Variants in CYS1 observed in about 807,000 individuals in gnomAD.
CYS1 encodes cystin 1, also known as cystin-1.
In CYS1, 5 loss-of-function variants were observed where a neutral mutation model predicts 9.6. That is an observed-to-expected ratio of 0.52 (90% CI 0.27 to 1.10). The LOEUF is 1.10. Among genes scored for constraint, CYS1 ranks in the 50% least tolerant of loss-of-function variants. The pLI is 0.11. For synonymous variants in CYS1, 88 were observed against 95.7 expected, an observed-to-expected ratio of 0.92 and a Z score of 0.47; for missense variants, 221 against 207.9, an observed-to-expected ratio of 1.06 and a Z score of -0.39.
In CYS1 at chr2:10,065,967, A is replaced by G. The variant is rs1374106876; in HGVS notation, c.319-11T>C. ...CTGCTCTGCGCACACCTTGAGAAAG[A>G]TGAAATGAAGAGACATTCAAAGATT... On this transcript the variant is annotated splice_polypyrimidine_tract_variant and intron_variant, in intron 1 of 2. Transcript: ENST00000381813. 1 of 1,614,182 alleles carries G rather than the reference A, an allele frequency of 6.2e-7. No homozygotes were observed.
Position 10,080,257 on chromosome 2 carries a change from GC to G in CYS1, c.-35del. On this transcript the variant is annotated 5_prime_UTR_variant, in exon 1 of 3. Transcript: ENST00000381813. The surrounding 1 kb of genome is among the most constrained non-coding windows in gnomAD (Gnocchi z 6.4). Reference sequence around the variant, plus strand: ...CGCCGCCTCCCGGACCGCCGAGGGGGCCCCCATGAGGGGGCGCGGCCGGGGG... The same window carrying G: ...CGCCGCCTCCCGGACCGCCGAGGGGGCCCCATGAGGGGGCGCGGCCGGGGG... 9.7e-7 allele frequency: 1 copy of G among 1,031,744 alleles called. No individual in the cohort carries two copies. The highest frequency in any genetic ancestry group is 1.2e-6 in the Non-Finnish European group (1 of 862,664). 63.9% of individuals were successfully genotyped at this position (1,031,744 alleles called of 1,614,324 possible).
intron 2 of CYS1, among the ~76,000 whole-genome samples, chr2:10,059,826 A>C (rs948018063): frequency 3.3e-5 from 5 of 152,262 alleles, no homozygotes; most frequent in Non-Finnish European, 7.3e-5. Context: ...GGATCCCGCC[A>C]GTCCCTCAGC....
chr2:10,078,998 T>C (rs1209868859), intron 1 of CYS1, among the ~76,000 whole-genome samples: 1 of 152,238 alleles, frequency 6.6e-6, no homozygotes, highest in Non-Finnish European at 1.5e-5. Flanking sequence ...GTCCAGGCAG[T>C]GTTATATAAC....
At chr2:10,065,527 G>A (rs1392608981) in intron 2 of CYS1, among the ~76,000 whole-genome samples, 10 of 152,222 alleles carry the variant, frequency 6.6e-5, no homozygotes, top group African/African-American at 2.2e-4. Context: ...AGGTGGGCCC[G>A]CTGCTGGCCC....
At chr2:10,071,375 G>C (rs1320527613) in intron 1 of CYS1, among the ~76,000 whole-genome samples, 2 of 152,186 alleles carry the variant, frequency 1.3e-5, no homozygotes, top group African/African-American at 4.8e-5. Flanking sequence ...CGGGACCCTT[G>C]CGGCAGGGGG....
chr2:10,067,289 A>T (rs976845467), intron 1 of CYS1, among the ~76,000 whole-genome samples: 20 of 152,088 alleles, frequency 1.3e-4, no homozygotes, highest in African/African-American at 4.8e-4. Context: ...AAGTGCTGGG[A>T]TTACAGGCGT....
rs1471820143 is a variant in CYS1, at chr2:10,070,775, C to T, written c.319-4819G>A. Reference sequence around the variant, plus strand: ...GGTCCCATCTCAGCCTCCTGAGTAACTGAAACTACAGGCACATGCCACCAC... The same window carrying T: ...GGTCCCATCTCAGCCTCCTGAGTAATTGAAACTACAGGCACATGCCACCAC... On this transcript the variant is annotated intron_variant, in intron 1 of 2. Coordinates refer to ENST00000381813, the MANE Select transcript of CYS1 (RefSeq NM_001037160.3). Among the ~76,000 whole-genome samples, 4 of 152,106 alleles carry T rather than the reference C, an allele frequency of 2.6e-5. No homozygotes were observed. The East Asian group carries it at 7.7e-4, about 29-fold the overall frequency.
intron 2 of CYS1, among the ~76,000 whole-genome samples, chr2:10,060,142 C>T (rs926642202): frequency 2.6e-5 from 4 of 152,256 alleles, no homozygotes; most frequent in African/African-American, 9.6e-5. Flanking sequence ...CTGCAGCTGA[C>T]AGGGTCCAGG....
chr2:10,066,552 C>G (rs542122075), intron 1 of CYS1, among the ~76,000 whole-genome samples: 206 of 152,376 alleles, frequency 1.4e-3, no homozygotes, highest in African/African-American at 4.8e-3. Context: ...GTCCGACAGT[C>G]CACTTGTCTA....
chr2:10,076,781 C>T lies in CYS1; in HGVS notation c.318+3125G>A, dbSNP rs1243197737. ...AGAGCCCGGTGCCCATCCATGCTTC[C>T]TAAGCACACGCTGGCAGCATCGTCA... On this transcript the variant is annotated intron_variant, in intron 1 of 2. Transcript: ENST00000381813. The surrounding 1 kb of genome is among the most constrained non-coding windows in gnomAD (Gnocchi z 4.3). 6.6e-6 allele frequency among the ~76,000 whole-genome samples: 1 copy of T among 152,168 alleles called. No individual in the cohort carries two copies. Among genetic ancestry groups the T allele is most frequent in the Non-Finnish European group, 1.5e-5 (1 of 68,036 alleles).
chr2:10,061,271 G>A (rs10182505), intron 2 of CYS1, among the ~76,000 whole-genome samples: 129,997 of 151,976 alleles, frequency 0.86, 55,884 homozygotes, highest in African/African-American at 0.93. Context: ...CAAACAAAAA[G>A]GCAGAGTAAG....
Position 10,060,521 on chromosome 2 carries a change from G to A in CYS1, c.372-1563C>T, listed in dbSNP as rs905314717. On this transcript the variant is annotated intron_variant, in intron 2 of 2. Coordinates refer to ENST00000381813, the MANE Select transcript of CYS1 (RefSeq NM_001037160.3). ...AGGGGACACACTCCTCCCCTGTCCC[G>A]GAGACGTCATGCCCCTATTGACCAG... 5.3e-5 allele frequency among the ~76,000 whole-genome samples: 8 copies of A among 152,204 alleles called. No homozygotes were observed. The East Asian group carries it at 5.8e-4, about 11-fold the overall frequency.
chr2:10,059,877 C>T (rs892254498), intron 2 of CYS1, among the ~76,000 whole-genome samples: 5 of 152,230 alleles, frequency 3.3e-5, no homozygotes, highest in Admixed American at 1.3e-4. Flanking sequence ...GACCAGAGCT[C>T]CTGCTCCTGC....
chr2:10,062,969 T>TA (rs1487848434), intron 2 of CYS1, among the ~76,000 whole-genome samples: 1 of 152,172 alleles, frequency 6.6e-6, no homozygotes, highest in East Asian at 1.9e-4. Context: ...AGCCCTTCCT[T>TA]ACAGACTTCA....
intron 1 of CYS1, among the ~76,000 whole-genome samples, chr2:10,072,399 T>A (rs1281935234): frequency 6.6e-6 from 1 of 152,222 alleles, no homozygotes; most frequent in Non-Finnish European, 1.5e-5. Flanking sequence ...CAAAGGTTAC[T>A]TTTTAGAAAA....
chr2:10,059,069 G>A lies in CYS1; in HGVS notation c.372-111C>T, dbSNP rs912049007. 8 of 1,013,752 alleles carry A rather than the reference G, an allele frequency of 7.9e-6. No individual in the cohort carries two copies. The Admixed American group carries it at 1.3e-4, about 16-fold the overall frequency. 62.8% of individuals were successfully genotyped at this position (1,013,752 alleles called of 1,614,324 possible). A position where few individuals can be genotyped will look rare whatever the true frequency, so the allele number is the denominator to read the frequency against. ...GTGGGCCCATCCTGAAACCCAAACC[G>A]AAGTCTTTGCCCTGGGACACCCTGT... On this transcript the variant is annotated intron_variant, in intron 2 of 2. Transcript: ENST00000381813.
intron 1 of CYS1, among the ~76,000 whole-genome samples, chr2:10,072,724 T>G (rs1661786402): frequency 1.3e-5 from 2 of 152,192 alleles, no homozygotes; most frequent in African/African-American, 4.8e-5. Context: ...GCTTTCACAA[T>G]TTTGCTAGTC....
chr2:10,066,592 A>T (rs1031976888), intron 1 of CYS1, among the ~76,000 whole-genome samples: 8 of 152,332 alleles, frequency 5.3e-5, no homozygotes, highest in Non-Finnish European at 1.2e-4. Context: ...ACCCTGTCTC[A>T]TTCCTGGCAT....
rs1558357265 is a variant in CYS1 at position 10,063,137 on chromosome 2, T to G, written c.371+2767A>C. 6.6e-6 allele frequency among the ~76,000 whole-genome samples: 1 copy of G among 152,194 alleles called. No individual in the cohort carries two copies. The highest frequency in any genetic ancestry group is 1.5e-5 in the Non-Finnish European group (1 of 68,038). On this transcript the variant is annotated intron_variant, in intron 2 of 2. Coordinates refer to ENST00000381813, the MANE Select transcript of CYS1 (RefSeq NM_001037160.3). The surrounding 1 kb of genome is among the most constrained non-coding windows in gnomAD (Gnocchi z 4.2). Reference sequence around the variant, plus strand: ...AGGCCCACACGCCCCAGGCTGACATTAAACAATCCTGTCAATAAGCGTCTA... The same window carrying G: ...AGGCCCACACGCCCCAGGCTGACATGAAACAATCCTGTCAATAAGCGTCTA...
Sources: allele counts gnomAD v4.1 joint callset (sites outside exome capture counted in the v4.1 genomes callset), GRCh38; gene constraint gnomAD v4.1.1; non-coding constraint Gnocchi (gnomAD v3.1); transcripts MANE v1.5; gene names NCBI Gene and HGNC (gene_info 2026-07-23, HGNC 2026-07-21).